The following GCLM variants were observed in gnomAD, a reference collection of about 807,000 sequenced individuals.
GCLM encodes the protein glutamate--cysteine ligase regulatory subunit.
In GCLM, 15 loss-of-function variants were observed where a neutral mutation model predicts 36.0. The ratio of observed to expected loss-of-function variants is 0.42; its 90% CI spans 0.28 to 0.64. The LOEUF (loss-of-function observed/expected upper bound fraction) is 0.64. Among genes scored for constraint, GCLM ranks in the 30% least tolerant of loss-of-function variants. The pLI is 0.25. For synonymous variants in GCLM, 129 were observed against 122.8 expected (o/e 1.05, Z -0.34); for missense variants, 242 against 325.5 (o/e 0.74, Z 1.97).
chr1:93,908,998 C>T (rs1444974472), intron 1 of GCLM, 40 bp downstream of exon 1: 1 of 1,411,952 alleles, frequency 7.1e-7, no homozygotes, highest in Admixed American at 2.8e-5. Context: ...CCGCCCGAGG[C>T]CTGCCCCGGG....
intron 6 of GCLM, 118 bp downstream of exon 6, chr1:93,894,496 T>C (rs1656651734): frequency 1.7e-6 from 1 of 599,614 alleles, no homozygotes. Context: ...CCATTAAGAA[T>C]AGTTCAGATA....
Position 93,904,584 on chromosome 1 carries a change from T to C in GCLM, c.131A>G (p.His44Arg), listed in dbSNP as rs764691816. ...KCPSTHSEEL[H>R]DCIQKTLNEW... ...ATTCAAGGTTTTTTGGATACAATCA[T>C]GAAGCTGCAAAAGGAATGCATTTTG... The change falls in exon 2 of 7, where the codon CAT (histidine) becomes CGT (arginine). Residue 44 changes from histidine to arginine, a missense_variant. By Grantham distance (29) the His-to-Arg change is conservative. Transcript: ENST00000370238. 3 of 1,605,646 alleles carry C rather than the reference T, an allele frequency of 1.9e-6. No homozygotes were observed. Among genetic ancestry groups the C allele is most frequent in the East Asian group, 4.5e-5 (2 of 44,802 alleles).
intron 3 of GCLM, among the ~76,000 whole-genome samples, chr1:93,899,612 A>G (rs1656871505): frequency 6.6e-6 from 1 of 152,206 alleles, no homozygotes; most frequent in South Asian, 2.1e-4. Flanking sequence ...GAGTCAAAGC[A>G]TGTGACGTTT....
intron 1 of GCLM, among the ~76,000 whole-genome samples, chr1:93,907,013 G>C (rs1341670009): frequency 6.6e-6 from 1 of 152,168 alleles, no homozygotes; most frequent in African/African-American, 2.4e-5. Context: ...AAGAGACCTT[G>C]TAAGAAATTT....
chr1:93,907,050 A>G (rs1452743860), intron 1 of GCLM, among the ~76,000 whole-genome samples: 1 of 152,148 alleles, frequency 6.6e-6, no homozygotes, highest in African/African-American at 2.4e-5. Context: ...CAACACGTAC[A>G]TTTTCTCAAA....
At chr1:93,905,739 T>C (rs1657126053) in intron 1 of GCLM, among the ~76,000 whole-genome samples, 2 of 152,214 alleles carry the variant, frequency 1.3e-5, no homozygotes, top group Admixed American at 1.3e-4. Context: ...AAGACCTATA[T>C]ACATATAATG....
At chr1:93,905,252 G>A (rs1036050117) in intron 1 of GCLM, among the ~76,000 whole-genome samples, 11 of 150,980 alleles carry the variant, frequency 7.3e-5, no homozygotes, top group African/African-American at 2.7e-4. Flanking sequence ...GTCAAGCCCA[G>A]GCTGTCTGAC....
chr1:93,906,111 A>G (rs1389433335), intron 1 of GCLM, among the ~76,000 whole-genome samples: 1 of 152,228 alleles, frequency 6.6e-6, no homozygotes, highest in East Asian at 1.9e-4. Context: ...CTTAGTACAC[A>G]TGATTACAAG....
At chr1:93,889,318 G>T (rs776915689) in intron 6 of GCLM, among the ~76,000 whole-genome samples, 159 bp from the exon 7 acceptor site, 8 of 152,180 alleles carry the variant, frequency 5.3e-5, no homozygotes, top group Middle Eastern at 3.4e-3. Flanking sequence ...ATCTGAACCA[G>T]AATATTAGAA....
intron 5 of GCLM, 22 bp from the exon 6 acceptor site, chr1:93,894,750 TG>T: frequency 6.6e-6 from 7 of 1,064,494 alleles, no homozygotes; most frequent in Non-Finnish European, 8.8e-6. Context: ...AATAAAATCA[TG>T]ATATCACTAC....
intron 4 of GCLM, 76 bp downstream of exon 4, chr1:93,897,763 A>C (rs1296945806): frequency 9.5e-6 from 7 of 733,820 alleles, no homozygotes; most frequent in Non-Finnish European, 1.6e-5. Flanking sequence ...ACCTGGACCT[A>C]AGCACAAGTT....
In GCLM at chr1:93,886,722, C is replaced by G. The variant is rs558026009; in HGVS notation, c.*2268G>C. ...CTTTCAAAATAACCCTTCAAACAAC[C>G]CATTTTTATAAGTCCAGGGTTATAA... On this transcript the variant is annotated 3_prime_UTR_variant, in exon 7 of 7. Coordinates refer to ENST00000370238, the MANE Select transcript of GCLM (RefSeq NM_002061.4). The G allele has an allele frequency of 6.6e-6, 1 of 151,964 alleles. No individual in the cohort carries two copies. Among genetic ancestry groups the G allele is most frequent in the South Asian group, 2.1e-4 (1 of 4,810 alleles). 9.4% of individuals were successfully genotyped at this position (151,964 alleles called of 1,614,324 possible).
intron 3 of GCLM, among the ~76,000 whole-genome samples, 176 bp from the exon 4 acceptor site, chr1:93,898,074 T>C (rs1014806364): frequency 6.6e-6 from 1 of 152,050 alleles, no homozygotes; most frequent in Non-Finnish European, 1.5e-5. Context: ...ATAGTTCCAC[T>C]ATACTTTTAA....
At chr1:93,894,473 G>C in intron 6 of GCLM, 141 bp downstream of exon 6, 1 of 512,664 alleles carries the variant, frequency 2.0e-6, no homozygotes. Flanking sequence ...AGGGCATATA[G>C]GTTTTGAACT....
chr1:93,897,771 G>C, intron 4 of GCLM, 68 bp downstream of exon 4: 1 of 784,820 alleles, frequency 1.3e-6, no homozygotes, highest in Non-Finnish European at 2.0e-6. Context: ...CTAAGCACAA[G>C]TTATAACTAA....
intron 3 of GCLM, 93 bp from the exon 4 acceptor site, chr1:93,897,991 G>A (rs1656795005): frequency 3.8e-6 from 2 of 525,544 alleles, no homozygotes; most frequent in Non-Finnish European, 6.6e-6. Flanking sequence ...TAAGATGTCA[G>A]ATAATCCTGA....
In GCLM at chr1:93,889,127, G is replaced by C; in HGVS notation, c.688C>G (p.Leu230Val). Residue 230 changes from leucine (L) to valine (V), a missense_variant, in exon 7 of 7, where the codon CTT (leucine) becomes GTT (valine). Coordinates refer to ENST00000370238, the MANE Select transcript of GCLM (RefSeq NM_002061.4). ...TGAATGTCAGGAATGCTTTCCTGAA[G>C]AGCTTCTTGGAAACTTGCTTCAGAA... is the stretch of plus-strand genomic sequence containing the variant. ...LLSEASFQEA[L>V]QESIPDIQAH... The C allele has an allele frequency of 6.3e-7, 1 of 1,581,740 alleles. No homozygotes were observed. The highest frequency in any genetic ancestry group is 8.6e-7 in the Non-Finnish European group (1 of 1,166,044).
At chr1:93,894,352 T>C (rs1656643322) in intron 6 of GCLM, among the ~76,000 whole-genome samples, 1 of 152,060 alleles carries the variant, frequency 6.6e-6, no homozygotes, top group East Asian at 1.9e-4. Flanking sequence ...AAAAGATCTT[T>C]TCTGTGTAGT....
chr1:93,905,865 G>C (rs1028349612), intron 1 of GCLM, among the ~76,000 whole-genome samples: 2 of 152,058 alleles, frequency 1.3e-5, no homozygotes, highest in Non-Finnish European at 2.9e-5. Flanking sequence ...ACTGATTTAT[G>C]ACCACTAATG....
Sources: gnomAD v4.1 joint callset for allele counts (sites outside exome capture counted in the v4.1 genomes callset) on GRCh38, gnomAD v4.1.1 for gene constraint, MANE v1.5 for transcripts, NCBI Gene and HGNC (gene_info 2026-07-23, HGNC 2026-07-21) for gene names.